Variants in RCC2 observed in about 807,000 individuals in gnomAD.
RCC2 encodes the protein regulator of chromosome condensation 2.
A neutral mutation model predicts 64.1 loss-of-function variants in RCC2; 19 were observed. The ratio of observed to expected loss-of-function variants is 0.30; its 90% CI spans 0.21 to 0.44. RCC2 has a LOEUF of 0.44. RCC2 is among the 20% of genes least tolerant of loss of function. The pLI is 1.00. For missense variants in RCC2, 508 were observed against 710.4 expected, an observed-to-expected ratio of 0.72 and a Z score of 3.24; for synonymous variants, 325 against 279.6, an observed-to-expected ratio of 1.16 and a Z score of -1.62.
chr1:17,420,015 G>A (rs2075537237), intron 7 of RCC2, among the ~76,000 whole-genome samples: 1 of 152,210 alleles, frequency 6.6e-6, no homozygotes, highest in Non-Finnish European at 1.5e-5. Flanking sequence ...GCAGGAGCGC[G>A]CGCGGCCAGC....
At chr1:17,417,899 G>GA (rs760949520) in intron 7 of RCC2, among the ~76,000 whole-genome samples, 33 of 146,188 alleles carry the variant, frequency 2.3e-4, no homozygotes, top group African/African-American at 6.3e-4. Context: ...AGGAAACAAG[G>GA]AAAAAAAAAA....
chr1:17,426,426 T>G, intron 3 of RCC2, among the ~76,000 whole-genome samples: 1 of 152,188 alleles, frequency 6.6e-6, no homozygotes, highest in South Asian at 2.1e-4. Context: ...ACCTCCTACT[T>G]CTTCCTGAAA....
Position 17,436,951 on chromosome 1 carries a change from G to A in RCC2, c.285+1279C>T, listed in dbSNP as rs763536419. On this transcript the variant is annotated intron_variant, in intron 2 of 12. Coordinates refer to ENST00000375436, the MANE Select transcript of RCC2 (RefSeq NM_018715.4). ...CTAGTCTAGCCTGATCCAAGACCCCGGGCAAGACCTTTTGACAGCTTTTGA... is the reference window on the plus strand; with the variant it reads ...CTAGTCTAGCCTGATCCAAGACCCCAGGCAAGACCTTTTGACAGCTTTTGA... 2.0e-5 allele frequency among the ~76,000 whole-genome samples: 3 copies of A among 152,100 alleles called. No individual in the cohort carries two copies. In the East Asian group the frequency reaches 5.8e-4, roughly 29 times the overall value.
chr1:17,439,475 T>C (rs1303655351), intron 1 of RCC2, 70 bp downstream of exon 1: 1 of 144,006 alleles, frequency 6.9e-6, no homozygotes, highest in Admixed American at 6.9e-5. Context: ...CTTTTCTCTT[T>C]AAAAAAAGGA....
intron 2 of RCC2, among the ~76,000 whole-genome samples, chr1:17,436,409 A>G (rs1018277492): frequency 3.3e-5 from 5 of 152,154 alleles, no homozygotes; most frequent in Non-Finnish European, 7.4e-5. Context: ...GAGGCTGATC[A>G]GCACACAAAA....
chr1:17,412,592 C>T (rs894390803), intron 10 of RCC2, among the ~76,000 whole-genome samples: 11 of 152,300 alleles, frequency 7.2e-5, no homozygotes, highest in Admixed American at 5.9e-4. Context: ...AAAGCCACGC[C>T]GACAGAGGCC....
At chr1:17,438,678 G>T in intron 1 of RCC2, 156 bp from the exon 2 acceptor site, 1 of 692,742 alleles carries the variant, frequency 1.4e-6, no homozygotes, top group Non-Finnish European at 2.0e-6. Flanking sequence ...GTTGGGAGAG[G>T]AAATCGCGCC....
Position 17,438,277 on chromosome 1 carries a change from C to A in RCC2, c.238G>T (p.Gly80Cys), listed in dbSNP as rs763666560. 4.5e-5 allele frequency: 59 copies of A among 1,307,028 alleles called. 1 individual carries two copies. The highest frequency in any genetic ancestry group is 5.6e-5 in the Admixed American group (2 of 35,554). 81.0% of individuals were successfully genotyped at this position (1,307,028 alleles called of 1,614,324 possible). Residue 80 changes from glycine to cysteine, a missense_variant, in exon 2 of 13, where the codon GGC becomes TGC. Coordinates refer to ENST00000375436, the MANE Select transcript of RCC2 (RefSeq NM_018715.4). ...ARPATAGKAG[G>C]AAVVITEPEH... ...GGTTCGGTGATGACCACGGCCGCGC[C>A]GCCCGCCTTGCCTGCTGTCGCCGGC...
intron 8 of RCC2, among the ~76,000 whole-genome samples, chr1:17,415,716 A>C (rs1250040635): frequency 6.6e-6 from 1 of 151,444 alleles, no homozygotes; most frequent in African/African-American, 2.4e-5. Flanking sequence ...CCTCAAATAA[A>C]AAAAAAAAAG....
In RCC2 at chr1:17,408,983, C is replaced by G. The variant is rs773137317; in HGVS notation, c.*107G>C. ...GGGAGTCTAAACAAAAATGCACCTTCGGTCAACTTTTGCTTTTTTAAATTC... is the reference window on the plus strand; with the variant it reads ...GGGAGTCTAAACAAAAATGCACCTTGGGTCAACTTTTGCTTTTTTAAATTC... On this transcript the variant is annotated 3_prime_UTR_variant, in exon 13 of 13. Coordinates refer to ENST00000375436, the MANE Select transcript of RCC2 (RefSeq NM_018715.4). 1 of 858,268 alleles carries G rather than the reference C, an allele frequency of 1.2e-6. No homozygotes were observed. Among genetic ancestry groups the G allele is most frequent in the African/African-American group, 1.7e-5 (1 of 59,924 alleles). The allele number at this position is 858,268 out of a possible 1,614,324, so 53.2% of individuals were successfully genotyped here.
intron 4 of RCC2, among the ~76,000 whole-genome samples, chr1:17,423,453 C>T (rs753430749): frequency 6.6e-5 from 10 of 152,212 alleles, no homozygotes; most frequent in East Asian, 3.8e-4. Flanking sequence ...CAACACAACA[C>T]GCCCAGCCCC....
At chr1:17,422,156 G>A (rs377681908) in intron 6 of RCC2, 47 bp downstream of exon 6, 2 of 1,391,930 alleles carry the variant, frequency 1.4e-6, no homozygotes. Flanking sequence ...AAACACAAAA[G>A]TAAAGAGAAA....
chr1:17,434,020 T>C (rs2075711191), intron 2 of RCC2, among the ~76,000 whole-genome samples: 1 of 152,212 alleles, frequency 6.6e-6, no homozygotes, highest in Non-Finnish European at 1.5e-5. Flanking sequence ...CCTGGGCAGC[T>C]TGCAACACTC....
Position 17,407,412 on chromosome 1 carries a change from T to C in RCC2, c.*1678A>G, listed in dbSNP as rs190304239. Reference sequence around the variant, plus strand: ...GTCAGAGATGGTGGTTTTGGGGTGATTTGGACAAATTAGGTTAGTTTAGCA... The same window carrying C: ...GTCAGAGATGGTGGTTTTGGGGTGACTTGGACAAATTAGGTTAGTTTAGCA... On this transcript the variant is annotated 3_prime_UTR_variant, in exon 13 of 13. Transcript: ENST00000375436. The C allele has an allele frequency of 7.1e-4, 108 of 152,238 alleles. No homozygotes were observed. The highest frequency in any genetic ancestry group is 2.4e-3 in the African/African-American group (101 of 41,516). The allele number at this position is 152,238 out of a possible 1,614,324, so 9.4% of individuals were successfully genotyped here. A position where few individuals can be genotyped will look rare whatever the true frequency, so the allele number is the denominator to read the frequency against.
chr1:17,423,255 C>T (rs963496146), intron 4 of RCC2, among the ~76,000 whole-genome samples: 4 of 152,260 alleles, frequency 2.6e-5, no homozygotes, highest in African/African-American at 9.6e-5. Flanking sequence ...ACACCTGGCT[C>T]ACCAGAGTTT....
At chr1:17,411,580 C>CAAAAAA (rs56163231) in intron 11 of RCC2, among the ~76,000 whole-genome samples, 1 of 64,026 alleles carries the variant, frequency 1.6e-5, no homozygotes, top group African/African-American at 6.0e-5. Flanking sequence ...AACTCCATCT[C>CAAAAAA]AAAAAAAAAA....
chr1:17,417,773 G>A (rs2075504721), intron 7 of RCC2, among the ~76,000 whole-genome samples: 1 of 152,130 alleles, frequency 6.6e-6, no homozygotes, highest in African/African-American at 2.4e-5. Context: ...GCACGCTGGT[G>A]TGCACCTCAG....
chr1:17,415,857 T>C (rs1251159461), intron 8 of RCC2, among the ~76,000 whole-genome samples: 2 of 150,824 alleles, frequency 1.3e-5, no homozygotes, highest in East Asian at 3.9e-4. Flanking sequence ...TCACCTGAGG[T>C]CAGGAGTTTG....
intron 8 of RCC2, 64 bp downstream of exon 8, chr1:17,416,416 T>C (rs2075485594): frequency 6.5e-7 from 1 of 1,527,364 alleles, no homozygotes; most frequent in African/African-American, 1.4e-5. Context: ...GTCAGGAAAC[T>C]TGAGCATAAA....
Sources: allele counts gnomAD v4.1 joint callset (sites outside exome capture counted in the v4.1 genomes callset), GRCh38; gene constraint gnomAD v4.1.1; transcripts MANE v1.5; gene names NCBI Gene and HGNC (gene_info 2026-07-23, HGNC 2026-07-21).